ASB17: variants seen among roughly 807,000 people sequenced by gnomAD.
ASB17 encodes the protein ankyrin repeat and SOCS box containing 17, also known as ankyrin repeat and SOCS box protein 17.
A neutral mutation model predicts 25.7 loss-of-function variants in ASB17; 26 were observed. The observed-to-expected ratio is 1.01, with a 90% CI of 0.74 to 1.40. The LOEUF (loss-of-function observed/expected upper bound fraction) is 1.40, where lower values mean the gene tolerates loss of function less well. Ranked by LOEUF, ASB17 falls within the 40% of genes most tolerant of loss-of-function variation. The pLI is 0.00. For missense variants in ASB17, 326 were observed against 338.5 expected (o/e 0.96, Z 0.29); for synonymous variants, 128 against 121.4 (o/e 1.05, Z -0.36).
At chr1:75,920,692 A>C (rs1206493035) in intron 2 of ASB17, among the ~76,000 whole-genome samples, 1 of 152,198 alleles carries the variant, frequency 6.6e-6, no homozygotes, top group African/African-American at 2.4e-5. Flanking sequence ...ATTGATTGGA[A>C]CCCAGCTATA....
chr1:75,928,584 T>C (rs546060931), intron 1 of ASB17, among the ~76,000 whole-genome samples: 1 of 152,160 alleles, frequency 6.6e-6, no homozygotes, highest in Admixed American at 6.5e-5. Flanking sequence ...CAACAGATAA[T>C]AGGAAATTTG....
At chr1:75,924,934 C>T (rs181525676) in intron 1 of ASB17, among the ~76,000 whole-genome samples, 236 of 152,098 alleles carry the variant, frequency 1.6e-3, no homozygotes, top group African/African-American at 5.0e-3. Context: ...TTTGTACCTA[C>T]CTACATTAAA....
rs1232615129 is a variant in ASB17, at chr1:75,922,217, C to A, written c.544G>T (p.Val182Phe). The change falls in exon 2 of 3, where the codon GTC (valine) becomes TTC (phenylalanine). Residue 182 changes from valine (V) to phenylalanine (F), a missense_variant. By Grantham distance (50) the Val-to-Phe change is conservative (BLOSUM62 -1). Transcript: ENST00000284142. ...GAAGGGTAGAGTACTATTGTTAAGA[C>A]AATGTTGATAGGGTTTTTTTCTCTT... Reference protein sequence around the residue: ...LEREKNPINIVLTIVLYPSRV... With the variant: ...LEREKNPINIFLTIVLYPSRV... 1 of 1,613,806 alleles carries A rather than the reference C, an allele frequency of 6.2e-7. No individual in the cohort carries two copies. Among genetic ancestry groups the A allele is most frequent in the Non-Finnish European group, 8.5e-7 (1 of 1,179,860 alleles).
chr1:75,923,195 C>T (rs191366106), intron 1 of ASB17, among the ~76,000 whole-genome samples: 1 of 152,138 alleles, frequency 6.6e-6, no homozygotes, highest in Admixed American at 6.5e-5. Context: ...ATGTTTTTCA[C>T]TTTAATAAAA....
chr1:75,930,108 G>A (rs1653283187), intron 1 of ASB17, among the ~76,000 whole-genome samples: 1 of 151,008 alleles, frequency 6.6e-6, no homozygotes, highest in Non-Finnish European at 1.5e-5. Context: ...AAGATTTTGA[G>A]AGTCATTGGC....
chr1:75,919,032 T>G lies in ASB17; in HGVS notation c.808A>C (p.Thr270Pro). The change falls in exon 3 of 3, where the codon ACC becomes CCC. Residue 270 changes from threonine (T) to proline (P), a missense_variant. Thr to Pro is a conservative substitution (Grantham distance 38). Transcript: ENST00000284142. ...ATTCCATCTGGGAGCATATTGTTGG[T>G]TAATAGTTGATTCCTGATGGTTAGT... ...CRLTIRNQLL[T>P]NNMLPDGIFS... is the part of the protein sequence containing the mutation. 6.2e-7 allele frequency: 1 copy of G among 1,612,662 alleles called. No homozygotes were observed. The highest frequency in any genetic ancestry group is 2.2e-5 in the East Asian group (1 of 44,716).
chr1:75,929,594 TG>T (rs959813354), intron 1 of ASB17, among the ~76,000 whole-genome samples: 1 of 152,146 alleles, frequency 6.6e-6, no homozygotes, highest in African/African-American at 2.4e-5. Context: ...GTGGAAAAAC[TG>T]GAGGATTTTA....
chr1:75,926,301 G>A (rs1653170997), intron 1 of ASB17, among the ~76,000 whole-genome samples: 1 of 152,216 alleles, frequency 6.6e-6, no homozygotes, highest in African/African-American at 2.4e-5. Context: ...AGCAGAATAA[G>A]AAGTATGGAT....
chr1:75,932,396 G>A lies in ASB17; in HGVS notation c.-105C>T. Reference sequence around the variant, plus strand: ...GGCAGGCTTTACTCCACAAACAGAAGTGCCCTTTAAACTGTAACCAGAAAA... The same window carrying A: ...GGCAGGCTTTACTCCACAAACAGAAATGCCCTTTAAACTGTAACCAGAAAA... On this transcript the variant is annotated 5_prime_UTR_variant, in exon 1 of 3. Transcript: ENST00000284142. 9.4e-7 allele frequency: 1 copy of A among 1,064,322 alleles called. No individual in the cohort carries two copies. Among genetic ancestry groups the A allele is most frequent in the Non-Finnish European group, 1.3e-6 (1 of 743,366 alleles). The allele number at this position is 1,064,322 out of a possible 1,614,324, so 65.9% of individuals were successfully genotyped here. A position where few individuals can be genotyped will look rare whatever the true frequency, so the allele number is the denominator to read the frequency against.
intron 1 of ASB17, among the ~76,000 whole-genome samples, chr1:75,926,494 C>A (rs901235709): frequency 2.0e-5 from 3 of 152,178 alleles, no homozygotes; most frequent in Admixed American, 6.5e-5. Flanking sequence ...ATAACGGAAC[C>A]AGCGCGGCTG....
At chr1:75,923,607 A>G (rs1470748931) in intron 1 of ASB17, among the ~76,000 whole-genome samples, 4 of 152,214 alleles carry the variant, frequency 2.6e-5, no homozygotes, top group African/African-American at 9.7e-5. Flanking sequence ...CTAATAAAAT[A>G]CTGCAGGACA....
In ASB17 at chr1:75,919,282, T is replaced by A; in HGVS notation, c.682-124A>T. On this transcript the variant is annotated intron_variant, in intron 2 of 2. Coordinates refer to ENST00000284142, the MANE Select transcript of ASB17 (RefSeq NM_080868.3). Reference sequence around the variant, plus strand: ...CATAAATTTATAAAACCCTTATAACTTTTTTCCAAAGCATTTTTACTTGAG... The same window carrying A: ...CATAAATTTATAAAACCCTTATAACATTTTTCCAAAGCATTTTTACTTGAG... 4 of 666,512 alleles carry A rather than the reference T, an allele frequency of 6.0e-6. No homozygotes were observed. In the South Asian group the frequency reaches 1.1e-4, roughly 18 times the overall value. 41.3% of individuals were successfully genotyped at this position (666,512 alleles called of 1,614,324 possible).
intron 1 of ASB17, among the ~76,000 whole-genome samples, chr1:75,928,546 C>A (rs1259660528): frequency 6.6e-6 from 1 of 151,970 alleles, no homozygotes; most frequent in Non-Finnish European, 1.5e-5. Context: ...GGAGGATGAC[C>A]AAAGAATGAT....
In ASB17 at chr1:75,918,919, G is replaced by A; in HGVS notation, c.*33C>T. 1 of 1,529,664 alleles carries A rather than the reference G, an allele frequency of 6.5e-7. No homozygotes were observed. Among genetic ancestry groups the A allele is most frequent in the Non-Finnish European group, 9.1e-7 (1 of 1,103,652 alleles). The allele number at this position is 1,529,664 out of a possible 1,614,324, so 94.8% of individuals were successfully genotyped here. A position where few individuals can be genotyped will look rare whatever the true frequency, so the allele number is the denominator to read the frequency against. The stretch of plus-strand genomic sequence containing the variant: ...TAACTTCTAAGCCATACATTGGTAA[G>A]CATTGTTAAGGAACTTAGGACACTG... On this transcript the variant is annotated 3_prime_UTR_variant, in exon 3 of 3. Transcript: ENST00000284142.
At chr1:75,922,478 TTA>T (rs1421849378) in intron 1 of ASB17, 119 bp from the exon 2 acceptor site, 7 of 585,216 alleles carry the variant, frequency 1.2e-5, no homozygotes, top group Non-Finnish European at 1.5e-5. Flanking sequence ...AAATGTAACT[TTA>T]TATGTTTCTT....
intron 1 of ASB17, among the ~76,000 whole-genome samples, chr1:75,925,095 G>C (rs1306502307): frequency 6.6e-6 from 1 of 151,962 alleles, no homozygotes; most frequent in African/African-American, 2.4e-5. Flanking sequence ...TAAGTGCCTA[G>C]AACAATGTTT....
chr1:75,932,115 G>A lies in ASB17; in HGVS notation c.177C>T (p.Asp59=), dbSNP rs1212433977. 6.2e-7 allele frequency: 1 copy of A among 1,614,060 alleles called. No individual in the cohort carries two copies. The highest frequency in any genetic ancestry group is 8.5e-7 in the Non-Finnish European group (1 of 1,179,986). The change falls in exon 1 of 3, where the codon GAC becomes GAT. Residue 59 remains aspartate (D), a synonymous_variant. Transcript: ENST00000284142. ...RSLAKILRYV[D]LDGFDALLTD... ...TGAGTAGTGCGTCAAAACCATCCAA[G>A]TCCACATACCTCAGAATTTTTGCCA... is the stretch of plus-strand genomic sequence containing the variant.
In ASB17 at chr1:75,924,106, G is replaced by A. The variant is rs144421399; in HGVS notation, c.402-1747C>T. 6.3e-3 allele frequency among the ~76,000 whole-genome samples: 963 copies of A among 152,132 alleles called. 15 individuals carry two copies. The highest frequency in any genetic ancestry group is 0.035 in the Admixed American group (536 of 15,272). ...TTCCTATAGGTTATCCAGAAACTACGATTTGAAAGATTAGTAGATGTTTTC... is the reference window on the plus strand; with the variant it reads ...TTCCTATAGGTTATCCAGAAACTACAATTTGAAAGATTAGTAGATGTTTTC... On this transcript the variant is annotated intron_variant, in intron 1 of 2. Coordinates refer to ENST00000284142, the MANE Select transcript of ASB17 (RefSeq NM_080868.3).
At chr1:75,928,834 G>T (rs71656866) in intron 1 of ASB17, among the ~76,000 whole-genome samples, 6 of 152,148 alleles carry the variant, frequency 3.9e-5, no homozygotes, top group Non-Finnish European at 7.4e-5. Flanking sequence ...CACTCTATCC[G>T]TGAGGATAGA....
Sources: allele counts gnomAD v4.1 joint callset (sites outside exome capture counted in the v4.1 genomes callset), GRCh38; gene constraint gnomAD v4.1.1; transcripts MANE v1.5; gene names NCBI Gene and HGNC (gene_info 2026-07-23, HGNC 2026-07-21).